SBNO2: variants seen among roughly 807,000 people sequenced by gnomAD.
SBNO2 encodes protein strawberry notch homolog 2.
In SBNO2, 89 loss-of-function variants were observed where a neutral mutation model predicts 146.3. That is an observed-to-expected ratio of 0.61 (90% CI 0.51 to 0.73). The LOEUF is 0.73. SBNO2 is among the 30% of genes least tolerant of loss of function. The pLI, the probability that SBNO2 is intolerant of heterozygous loss-of-function variation, is 0.00. For synonymous variants in SBNO2, 1,147 were observed against 892.6 expected (o/e 1.29, Z -5.08); for missense variants, 2,092 against 2,003.7 (o/e 1.04, Z -0.84).
chr19:1,171,470 A>C (rs1266842924), intron 1 of SBNO2, among the ~76,000 whole-genome samples: 3 of 151,936 alleles, frequency 2.0e-5, no homozygotes, highest in South Asian at 2.1e-4. Flanking sequence ...CTGCCTCCAC[A>C]CCGCCTCCAG....
rs766249306 is a variant in SBNO2 at position 1,108,947 on chromosome 19, G to C, written c.3448C>G (p.Gln1150Glu). 3 of 1,550,308 alleles carry C rather than the reference G, an allele frequency of 1.9e-6. No homozygotes were observed. Among genetic ancestry groups the C allele is most frequent in the South Asian group, 2.3e-5 (2 of 85,734 alleles). The change falls in exon 31 of 32, where the codon CAG becomes GAG. Residue 1150 changes from glutamine (Q) to glutamate (E), a missense_variant. Coordinates refer to ENST00000361757, the MANE Select transcript of SBNO2 (RefSeq NM_014963.3). ...SAWNRHCRLAQEGKDCLQGLR... is the reference protein window; with the variant it reads ...SAWNRHCRLAEEGKDCLQGLR... Reference sequence around the variant, plus strand: ...CCCTGCAGGCAGTCCTTACCCTCCTGCGCCAGCCGGCAGTGCCGGTTCCTG... The same window carrying C: ...CCCTGCAGGCAGTCCTTACCCTCCTCCGCCAGCCGGCAGTGCCGGTTCCTG...
intron 4 of SBNO2, among the ~76,000 whole-genome samples, chr19:1,130,191 C>T (rs2080012658): frequency 6.6e-6 from 1 of 152,124 alleles, no homozygotes; most frequent in Non-Finnish European, 1.5e-5. Flanking sequence ...AAGCGTGGGC[C>T]TCAGGAGTTA....
At position 1,140,945 on chromosome 19, in the gene SBNO2, A is replaced by C. The variant is rs2080129688; in HGVS notation, c.279+6364T>G. 1.3e-5 allele frequency among the ~76,000 whole-genome samples: 2 copies of C among 152,154 alleles called. No homozygotes were observed. Among genetic ancestry groups the C allele is most frequent in the Admixed American group, 1.3e-4 (2 of 15,272 alleles). ...ATGGTGCCGTCTGAGGGATTCCTCCATCCAGTCAGGAGACAACCCCAGACA... is the reference window on the plus strand; with the variant it reads ...ATGGTGCCGTCTGAGGGATTCCTCCCTCCAGTCAGGAGACAACCCCAGACA... On this transcript the variant is annotated intron_variant, in intron 4 of 31. Coordinates refer to ENST00000361757, the MANE Select transcript of SBNO2 (RefSeq NM_014963.3). The surrounding 1 kb of genome is among the most constrained non-coding windows in gnomAD (Gnocchi z 4.4).
chr19:1,130,591 A>C (rs1216967373), intron 4 of SBNO2, among the ~76,000 whole-genome samples: 1 of 152,168 alleles, frequency 6.6e-6, no homozygotes, highest in African/African-American at 2.4e-5. Flanking sequence ...CAGGAGTTCA[A>C]GACCAGCCTG....
chr19:1,148,172 G>C (rs995464173), intron 3 of SBNO2, among the ~76,000 whole-genome samples: 4 of 151,974 alleles, frequency 2.6e-5, no homozygotes, highest in Admixed American at 2.6e-4. Context: ...TCTGCCCAGT[G>C]GGAGCCGGAG....
chr19:1,118,775 G>T lies in SBNO2; in HGVS notation c.1527+236C>A, dbSNP rs3826957. Among the ~76,000 whole-genome samples the T allele has an allele frequency of 1.1e-4, 17 of 151,776 alleles. No individual in the cohort carries two copies. The South Asian group carries it at 1.2e-3, about 11-fold the overall frequency. On this transcript the variant is annotated intron_variant, in intron 14 of 31. Coordinates refer to ENST00000361757, the MANE Select transcript of SBNO2 (RefSeq NM_014963.3). ...TAACTCCAGCTACTCGAGAGGCTGA[G>T]GGGGGAGAATCGCTTAAACCCAAGA...
At chr19:1,166,787 A>G (rs1265634334) in intron 1 of SBNO2, among the ~76,000 whole-genome samples, 1 of 152,206 alleles carries the variant, frequency 6.6e-6, no homozygotes, top group East Asian at 1.9e-4. Context: ...GTCCTTTGAA[A>G]TGGAGGTGCC....
chr19:1,117,603 G>C, intron 14 of SBNO2, 104 bp from the exon 15 acceptor site: 1 of 1,246,996 alleles, frequency 8.0e-7, no homozygotes, highest in South Asian at 1.5e-5. Context: ...CCCCACGCCA[G>C]GTGGAATTTA....
chr19:1,160,548 A>C lies in SBNO2; in HGVS notation c.-126-6146T>G, dbSNP rs183146266. On this transcript the variant is annotated intron_variant, in intron 1 of 31. Coordinates refer to ENST00000361757, the MANE Select transcript of SBNO2 (RefSeq NM_014963.3). ...GAGCCACCGGGGGTCTCGTCCCTGCAGCCTTCGCCTCCTGGGTTCCAGTGA... is the reference window on the plus strand; with the variant it reads ...GAGCCACCGGGGGTCTCGTCCCTGCCGCCTTCGCCTCCTGGGTTCCAGTGA... 2.1e-3 allele frequency among the ~76,000 whole-genome samples: 325 copies of C among 152,198 alleles called. 1 individual carries two copies. The highest frequency in any genetic ancestry group is 7.5e-3 in the African/African-American group (313 of 41,532).
At chr19:1,114,481 G>A (rs2079807760) in intron 17 of SBNO2, 59 bp from the exon 18 acceptor site, 1 of 1,397,388 alleles carries the variant, frequency 7.2e-7, no homozygotes, top group Non-Finnish European at 9.6e-7. Flanking sequence ...GGAGCAGGTG[G>A]AGGAGACGCA....
chr19:1,120,996 A>AT (rs1183462796), intron 11 of SBNO2, among the ~76,000 whole-genome samples: 14 of 151,636 alleles, frequency 9.2e-5, no homozygotes, highest in Admixed American at 8.5e-4. Context: ...GGTTCAAGCG[A>AT]TTCTCCTGCC....
rs1363545318 is a variant in SBNO2 at position 1,158,709 on chromosome 19, C to G, written c.-126-4307G>C. On this transcript the variant is annotated intron_variant, in intron 1 of 31. Coordinates refer to ENST00000361757, the MANE Select transcript of SBNO2 (RefSeq NM_014963.3). This position sits in a 1 kb window ranked among gnomAD's most constrained non-coding sequence, Gnocchi z 9.9. ...ACAGTCCCTGGAGGCCGCATTACCT[C>G]AGCCGAGGTTCTCCGGGCAGGCACA... 2.0e-5 allele frequency among the ~76,000 whole-genome samples: 3 copies of G among 152,172 alleles called. No homozygotes were observed. Among genetic ancestry groups the G allele is most frequent in the African/African-American group, 7.2e-5 (3 of 41,440 alleles).
At position 1,110,707 on chromosome 19, in the gene SBNO2, C is replaced by T. The variant is rs767025474; in HGVS notation, c.3028+38G>A. Reference sequence around the variant, plus strand: ...ATGGCGTTCCCACGAGCCCCGCACCCACACCCACCCACACCACACCCCGGC... The same window carrying T: ...ATGGCGTTCCCACGAGCCCCGCACCTACACCCACCCACACCACACCCCGGC... On this transcript the variant is annotated intron_variant, in intron 26 of 31. Transcript: ENST00000361757. The surrounding 1 kb of genome is among the most constrained non-coding windows in gnomAD (Gnocchi z 4.9). 7.5e-6 allele frequency: 12 copies of T among 1,609,838 alleles called. No homozygotes were observed. Among genetic ancestry groups the T allele is most frequent in the Non-Finnish European group, 9.3e-6 (11 of 1,177,268 alleles).
chr19:1,112,424 G>A lies in SBNO2; in HGVS notation c.2493C>T (p.Ala831=), dbSNP rs776232706. ...CACCGAACTGCTGGATGGCGCGGTC[G>A]GCGCTCCACGGCAGCTCCAAGGTCA... ...VHMTLELPWS[A]DRAIQQFGRT... Residue 831 remains alanine, a synonymous_variant, in exon 21 of 32, where the codon GCC becomes GCT. Coordinates refer to ENST00000361757, the MANE Select transcript of SBNO2 (RefSeq NM_014963.3). This position sits in a 1 kb window ranked among gnomAD's most constrained non-coding sequence, Gnocchi z 5.9. 9 of 1,605,312 alleles carry A rather than the reference G, an allele frequency of 5.6e-6. No individual in the cohort carries two copies. The highest frequency in any genetic ancestry group is 4.0e-5 in the African/African-American group (3 of 74,944).
chr19:1,119,849 C>A (rs1284768395), intron 12 of SBNO2, 57 bp downstream of exon 12: 4 of 1,349,716 alleles, frequency 3.0e-6, no homozygotes, highest in African/African-American at 2.9e-5. Flanking sequence ...TTCGCGGGGA[C>A]AGCCAGGCAG....
chr19:1,134,476 G>T (rs1439265649), intron 4 of SBNO2, among the ~76,000 whole-genome samples: 1 of 144,354 alleles, frequency 6.9e-6, no homozygotes, highest in Admixed American at 6.7e-5. Context: ...AAGGAGCAAG[G>T]CTCTGACCCA....
intron 1 of SBNO2, among the ~76,000 whole-genome samples, chr19:1,156,859 A>G (rs1361400424): frequency 1.3e-5 from 2 of 151,790 alleles, no homozygotes; most frequent in African/African-American, 4.8e-5. Flanking sequence ...GCCCATTTCC[A>G]AGTCCCCCCA....
At chr19:1,164,434 G>T (rs111858164) in intron 1 of SBNO2, among the ~76,000 whole-genome samples, 1 of 147,420 alleles carries the variant, frequency 6.8e-6, no homozygotes, top group Non-Finnish European at 1.5e-5. Flanking sequence ...AGGAGGAGGA[G>T]GAGGAGGAGG....
At chr19:1,164,161 C>T (rs1329273928) in intron 1 of SBNO2, among the ~76,000 whole-genome samples, 1 of 151,790 alleles carries the variant, frequency 6.6e-6, no homozygotes, top group African/African-American at 2.4e-5. Flanking sequence ...GAAGCCCCTG[C>T]CCATGGCTTC....
Sources: gnomAD v4.1 joint callset for allele counts (sites outside exome capture counted in the v4.1 genomes callset) on GRCh38, gnomAD v4.1.1 for gene constraint, Gnocchi (gnomAD v3.1) non-coding constraint, MANE v1.5 for transcripts, NCBI Gene and HGNC (gene_info 2026-07-23, HGNC 2026-07-21) for gene names.